Variants in OTOG observed in about 807,000 individuals in gnomAD.
OTOG encodes the protein otogelin.
Under a neutral mutation model 313.8 loss-of-function variants are expected in OTOG, and 296 were observed. The ratio of observed to expected loss-of-function variants is 0.94; its 90% CI spans 0.86 to 1.04. OTOG has a LOEUF of 1.04. Ranked by LOEUF, OTOG falls within the 50% of genes least tolerant of loss-of-function variation. The pLI is 0.00. For missense variants in OTOG, 3,948 were observed against 3,840.1 expected (o/e 1.03, Z -0.74); for synonymous variants, 1,533 against 1,554.9 (o/e 0.99, Z 0.33).
rs1847992371 is a variant in OTOG at position 17,642,230 on chromosome 11, A to G, written c.8399A>G (p.Glu2800Gly). Residue 2800 changes from glutamate to glycine, a missense_variant, in exon 53 of 56, where the codon GAG becomes GGG. Transcript: ENST00000399397. ...CCCATAAGCTGCCCACCGCTCAATG[A>G]GACTGAGTGTGCCAAGGTCAGTGCC... ...RSPISCPPLN[E>G]TECAKVGGSV... 1 of 1,549,560 alleles carries G rather than the reference A, an allele frequency of 6.5e-7. No individual in the cohort carries two copies. The highest frequency in any genetic ancestry group is 8.7e-7 in the Non-Finnish European group (1 of 1,146,460).
chr11:17,593,474 C>T, intron 26 of OTOG, 136 bp from the exon 27 acceptor site: 2 of 1,425,898 alleles, frequency 1.4e-6, no homozygotes, highest in Non-Finnish European at 1.9e-6. Flanking sequence ...TTCCTCTTGG[C>T]CAGGGTCAGG....
rs1027512702 is a variant in OTOG at position 17,578,287 on chromosome 11, C to G, written c.2606-86C>G. 2.1e-6 allele frequency: 3 copies of G among 1,410,018 alleles called. No homozygotes were observed. The African/African-American group carries it at 4.4e-5, about 20-fold the overall frequency. 87.3% of individuals were successfully genotyped at this position (1,410,018 alleles called of 1,614,324 possible). On this transcript the variant is annotated intron_variant, in intron 22 of 55. Coordinates refer to ENST00000399397, the MANE Select transcript of OTOG (RefSeq NM_001292063.2). Reference sequence around the variant, plus strand: ...GGAGGAGACTTCCGAGCCCGTCTCTCCCTCCATCCTCCAGCTGCTGCCCCT... The same window carrying G: ...GGAGGAGACTTCCGAGCCCGTCTCTGCCTCCATCCTCCAGCTGCTGCCCCT...
At chr11:17,613,195 T>TTTTCTTTTCTTTCTTTC (rs1853616442) in intron 38 of OTOG, among the ~76,000 whole-genome samples, 3 of 65,366 alleles carry the variant, frequency 4.6e-5, no homozygotes, top group South Asian at 5.7e-4. Flanking sequence ...TCTTTCTTTC[T>TTTTCTTTTCTTTCTTTC]TTTCTTTCTT....
chr11:17,558,456 C>A, intron 9 of OTOG, 82 bp from the exon 10 acceptor site: 1 of 1,528,448 alleles, frequency 6.5e-7, no homozygotes, highest in Non-Finnish European at 8.9e-7. Context: ...CTCCCTCTCC[C>A]CACAGCTCAA....
chr11:17,581,810 G>T (rs1315147135), intron 23 of OTOG, among the ~76,000 whole-genome samples: 1 of 152,066 alleles, frequency 6.6e-6, no homozygotes, highest in Non-Finnish European at 1.5e-5. Context: ...ATCTATTCTA[G>T]ATACAAGTCT....
At position 17,561,227 on chromosome 11, in the gene OTOG, G is replaced by T. The variant is rs1397655232; in HGVS notation, c.1498+90G>T. 30 of 1,419,538 alleles carry T rather than the reference G, an allele frequency of 2.1e-5. 1 individual carries two copies. The South Asian group carries it at 3.7e-4, about 18-fold the overall frequency. 87.9% of individuals were successfully genotyped at this position (1,419,538 alleles called of 1,614,324 possible). A position where few individuals can be genotyped will look rare whatever the true frequency, so the allele number is the denominator to read the frequency against. Reference sequence around the variant, plus strand: ...AATCTCTGGGGGCCAGGCTTGCTGCGGGTGGGGATGTCACTCAGTTCCATT... The same window carrying T: ...AATCTCTGGGGGCCAGGCTTGCTGCTGGTGGGGATGTCACTCAGTTCCATT... On this transcript the variant is annotated intron_variant, in intron 14 of 55. Transcript: ENST00000399397.
intron 20 of OTOG, among the ~76,000 whole-genome samples, 188 bp from the exon 21 acceptor site, chr11:17,576,368 G>C (rs777028085): frequency 2.0e-5 from 3 of 152,222 alleles, no homozygotes; most frequent in Non-Finnish European, 2.9e-5. Flanking sequence ...ACCCAGCCGT[G>C]ACCTCTATCC....
At chr11:17,568,178 A>G (rs1180681575) in intron 15 of OTOG, among the ~76,000 whole-genome samples, 1 of 152,158 alleles carries the variant, frequency 6.6e-6, no homozygotes, top group Non-Finnish European at 1.5e-5. Context: ...GAGTGCTGAG[A>G]TTACAGGCGT....
At chr11:17,622,776 C>T (rs1348969565) in intron 39 of OTOG, among the ~76,000 whole-genome samples, 1 of 152,192 alleles carries the variant, frequency 6.6e-6, no homozygotes, top group African/African-American at 2.4e-5. Context: ...ACATTGCTTC[C>T]AAATCTTAGC....
At chr11:17,618,590 C>G (rs1466786184) in intron 39 of OTOG, among the ~76,000 whole-genome samples, 1 of 152,272 alleles carries the variant, frequency 6.6e-6, no homozygotes, top group East Asian at 1.9e-4. Context: ...GTTGTTCAAG[C>G]CTTCTAAATT....
At chr11:17,636,310 G>C (rs1854266063) in intron 47 of OTOG, among the ~76,000 whole-genome samples, 1 of 152,130 alleles carries the variant, frequency 6.6e-6, no homozygotes, top group South Asian at 2.1e-4. Context: ...TACCTCAATA[G>C]TAACTGTTAA....
chr11:17,557,125 C>T lies in OTOG; in HGVS notation c.667C>T (p.Leu223=), dbSNP rs1852072564. 1.9e-6 allele frequency: 3 copies of T among 1,550,054 alleles called. No homozygotes were observed. Among genetic ancestry groups the T allele is most frequent in the East Asian group, 2.4e-5 (1 of 40,918 alleles). ...EVTHGGMRVQ[L]PHVMGSARLQ... ...CTGGGATGTGCCCTGCAGGGTCCAA[C>T]TGCCACATGTCATGGGGAGCGCGCG... The change falls in exon 8 of 56, where the codon CTG becomes TTG. Residue 223 remains leucine (L), a synonymous_variant. Coordinates refer to ENST00000399397, the MANE Select transcript of OTOG (RefSeq NM_001292063.2).
intron 49 of OTOG, among the ~76,000 whole-genome samples, chr11:17,640,319 C>T (rs1028743055): frequency 2.6e-5 from 4 of 152,206 alleles, no homozygotes; most frequent in African/African-American, 7.2e-5. Context: ...AGATCATGCT[C>T]TTAGCCACCA....
intron 39 of OTOG, among the ~76,000 whole-genome samples, chr11:17,623,888 C>G (rs1390249000): frequency 6.6e-6 from 1 of 152,128 alleles, no homozygotes; most frequent in African/African-American, 2.4e-5. Flanking sequence ...TTGCATTTTT[C>G]TAATGATCAG....
intron 30 of OTOG, among the ~76,000 whole-genome samples, chr11:17,597,903 T>C (rs995189463): frequency 2.0e-5 from 3 of 152,182 alleles, no homozygotes; most frequent in African/African-American, 7.2e-5. Context: ...TCGTCTGTAA[T>C]AGAAGGGTGA....
chr11:17,570,089 C>A, intron 16 of OTOG, 124 bp from the exon 17 acceptor site: 2 of 835,442 alleles, frequency 2.4e-6, no homozygotes, highest in Non-Finnish European at 1.9e-6. Flanking sequence ...CGCAGGCAGG[C>A]AGGCAGGCAG....
intron 39 of OTOG, among the ~76,000 whole-genome samples, chr11:17,617,008 C>T (rs1853737316): frequency 1.3e-5 from 2 of 152,304 alleles, no homozygotes; most frequent in Admixed American, 1.3e-4. Context: ...TGTCCTTTAT[C>T]AGGTTAAGAA....
At chr11:17,638,644 C>T in intron 48 of OTOG, 95 bp downstream of exon 48, 1 of 1,486,870 alleles carries the variant, frequency 6.7e-7, no homozygotes, top group Non-Finnish European at 9.2e-7. Flanking sequence ...GTCCACTCCT[C>T]TCAGATCTGT....
intron 7 of OTOG, among the ~76,000 whole-genome samples, chr11:17,556,904 C>G (rs908711208): frequency 6.6e-6 from 1 of 152,198 alleles, no homozygotes; most frequent in Non-Finnish European, 1.5e-5. Flanking sequence ...AAGATTTATT[C>G]CTGCCCAGGA....
Sources: gnomAD v4.1 joint callset for allele counts (sites outside exome capture counted in the v4.1 genomes callset) on GRCh38, gnomAD v4.1.1 for gene constraint, MANE v1.5 for transcripts, NCBI Gene and HGNC (gene_info 2026-07-23, HGNC 2026-07-21) for gene names.